Variants in CNTN5 observed in about 807,000 individuals in gnomAD.
CNTN5 encodes the protein contactin 5, also known as contactin-5.
Under a neutral mutation model 129.1 loss-of-function variants are expected in CNTN5, and 77 were observed. The observed-to-expected ratio is 0.60, with a 90% CI of 0.50 to 0.72. The LOEUF (loss-of-function observed/expected upper bound fraction) is 0.72, where lower values mean the gene tolerates loss of function less well. Among genes scored for constraint, CNTN5 ranks in the 30% least tolerant of loss-of-function variants. The pLI, the probability that CNTN5 is intolerant of heterozygous loss-of-function variation, is 0.00. For synonymous variants in CNTN5, 509 were observed against 465.6 expected, an observed-to-expected ratio of 1.09 and a Z score of -1.20; for missense variants, 1,478 against 1,328.8, an observed-to-expected ratio of 1.11 and a Z score of -1.75.
At chr11:100,291,899 CA>C (rs199602121) in intron 18 of CNTN5, among the ~76,000 whole-genome samples, 3,239 of 150,888 alleles carry the variant, frequency 0.021, 113 homozygotes, top group African/African-American at 0.07. Context: ...CAAACAACAA[CA>C]AAAAAAAGGT....
At chr11:100,289,068 G>A (rs1284357502) in intron 18 of CNTN5, among the ~76,000 whole-genome samples, 4 of 152,166 alleles carry the variant, frequency 2.6e-5, no homozygotes, top group South Asian at 2.1e-4. Flanking sequence ...GGGAGAGGTT[G>A]AATCTCTGAA....
chr11:99,781,083 T>C (rs1375585365), intron 3 of CNTN5, among the ~76,000 whole-genome samples: 3 of 152,132 alleles, frequency 2.0e-5, no homozygotes, highest in Non-Finnish European at 4.4e-5. Context: ...GTCTTAGTTC[T>C]GGCAGAATTG....
rs372046986 is a variant in CNTN5 at position 99,931,058 on chromosome 11, A to C, written c.673+14909A>C. ...TCAACCTAAACTGTGTTGTCCATTG[A>C]AGCATTTGTAACAAGTGCTTTAACT... On this transcript the variant is annotated intron_variant, in intron 7 of 24. Coordinates refer to ENST00000524871, the MANE Select transcript of CNTN5 (RefSeq NM_014361.4). Among the ~76,000 whole-genome samples, 27 of 152,322 alleles carry C rather than the reference A, an allele frequency of 1.8e-4. No homozygotes were observed. The East Asian group carries it at 4.0e-3, about 23-fold the overall frequency.
At chr11:99,490,718 T>C (rs7105072) in intron 2 of CNTN5, among the ~76,000 whole-genome samples, 44,246 of 152,016 alleles carry the variant, frequency 0.29, 6,839 homozygotes, top group South Asian at 0.39. Context: ...AGAAATTTAC[T>C]GCTTCTCAGT....
chr11:99,966,589 T>A (rs1591495550), intron 8 of CNTN5, among the ~76,000 whole-genome samples: 1 of 152,312 alleles, frequency 6.6e-6, no homozygotes, highest in Middle Eastern at 3.4e-3. Context: ...TGCCCTCAAG[T>A]TGCAGCTTTG....
intron 3 of CNTN5, among the ~76,000 whole-genome samples, chr11:99,759,027 C>T (rs1026536150): frequency 1.3e-5 from 2 of 152,004 alleles, no homozygotes; most frequent in African/African-American, 4.8e-5. Context: ...AACACTTATA[C>T]TAGCTTTCTA....
At chr11:99,690,062 G>A (rs1953975503) in intron 3 of CNTN5, among the ~76,000 whole-genome samples, 1 of 152,080 alleles carries the variant, frequency 6.6e-6, no homozygotes, top group Admixed American at 6.5e-5. Flanking sequence ...ATAGTTTTGG[G>A]TTTTACATCT....
chr11:99,863,389 G>T (rs1432977099), intron 6 of CNTN5, among the ~76,000 whole-genome samples: 4 of 152,066 alleles, frequency 2.6e-5, no homozygotes, highest in Non-Finnish European at 5.9e-5. Context: ...CAGCTAATTT[G>T]CAGGGAAAAG....
chr11:99,779,667 T>C (rs1045377393), intron 3 of CNTN5, among the ~76,000 whole-genome samples: 3 of 152,014 alleles, frequency 2.0e-5, no homozygotes, highest in East Asian at 1.9e-4. Flanking sequence ...TCTTACTATA[T>C]TGACAAGGAA....
rs184766617 is a variant in CNTN5, at chr11:99,505,610, G to A, written c.-70-50535G>A. Among the ~76,000 whole-genome samples, 8 of 152,284 alleles carry A rather than the reference G, an allele frequency of 5.3e-5. No individual in the cohort carries two copies. In the East Asian group the frequency reaches 1.5e-3, roughly 29 times the overall value. On this transcript the variant is annotated intron_variant, in intron 2 of 24. Transcript: ENST00000524871. ...AATCCAGCCTTTGGGAAATCTTGTG[G>A]TATTCCTAATTACCTTCTTGTTTCT...
At chr11:99,036,117 G>T (rs1158363605) in intron 1 of CNTN5, among the ~76,000 whole-genome samples, 1 of 152,122 alleles carries the variant, frequency 6.6e-6, no homozygotes, top group Non-Finnish European at 1.5e-5. Flanking sequence ...CTTTTGGCTT[G>T]TAGAGTTTCT....
At chr11:99,134,142 T>G (rs1859100240) in intron 1 of CNTN5, among the ~76,000 whole-genome samples, 1 of 152,104 alleles carries the variant, frequency 6.6e-6, no homozygotes. Flanking sequence ...CTCAGCAAAC[T>G]AACTCAGGGA....
chr11:99,275,245 G>C (rs894656914), intron 1 of CNTN5, among the ~76,000 whole-genome samples: 3 of 150,792 alleles, frequency 2.0e-5, no homozygotes, highest in Non-Finnish European at 4.4e-5. Context: ...CTTAGTGCTT[G>C]CTATCCTTTT....
rs964716498 is a variant in CNTN5, at chr11:99,830,449, G to A, written c.277+10684G>A. On this transcript the variant is annotated intron_variant, in intron 4 of 24. Coordinates refer to ENST00000524871, the MANE Select transcript of CNTN5 (RefSeq NM_014361.4). ...TATTAACAGATTTGACTTGGCACAT[G>A]GGCAATGGCATCCTGACTCAAAGCA... Among the ~76,000 whole-genome samples, 4 of 152,168 alleles carry A rather than the reference G, an allele frequency of 2.6e-5. No individual in the cohort carries two copies. The East Asian group carries it at 7.7e-4, about 29-fold the overall frequency.
At chr11:99,996,766 G>A (rs139378721) in intron 8 of CNTN5, among the ~76,000 whole-genome samples, 138 of 152,254 alleles carry the variant, frequency 9.1e-4, no homozygotes, top group African/African-American at 3.1e-3. Flanking sequence ...AAGGTGAAAG[G>A]GAGGCAAGGT....
At chr11:99,189,083 G>A (rs1439662406) in intron 1 of CNTN5, among the ~76,000 whole-genome samples, 1 of 151,464 alleles carries the variant, frequency 6.6e-6, no homozygotes, top group Non-Finnish European at 1.5e-5. Context: ...GAAATCAAGT[G>A]GTATTCATCT....
At chr11:99,533,654 T>C (rs1236503557) in intron 2 of CNTN5, among the ~76,000 whole-genome samples, 2 of 152,210 alleles carry the variant, frequency 1.3e-5, no homozygotes, top group South Asian at 2.1e-4. Context: ...CACTCAGCCA[T>C]AAAGATACCG....
At chr11:99,767,115 C>G (rs1250739381) in intron 3 of CNTN5, among the ~76,000 whole-genome samples, 2 of 152,070 alleles carry the variant, frequency 1.3e-5, no homozygotes, top group Non-Finnish European at 2.9e-5. Flanking sequence ...GTCTGCATCT[C>G]TCTCTCTCTT....
chr11:99,417,291 G>C (rs1288358828), intron 2 of CNTN5, among the ~76,000 whole-genome samples: 1 of 152,108 alleles, frequency 6.6e-6, no homozygotes, highest in Non-Finnish European at 1.5e-5. Context: ...TGGTTTGACA[G>C]GCAAAGCTTG....
Sources: allele counts gnomAD v4.1 joint callset (sites outside exome capture counted in the v4.1 genomes callset), GRCh38; gene constraint gnomAD v4.1.1; transcripts MANE v1.5; gene names NCBI Gene and HGNC (gene_info 2026-07-23, HGNC 2026-07-21).